The following TPD52L3 variants were observed in gnomAD, a reference collection of about 807,000 sequenced individuals.
TPD52L3 encodes tumor protein D55.
Under a neutral mutation model 8.7 loss-of-function variants are expected in TPD52L3, and 12 were observed. That is an observed-to-expected ratio of 1.38 (90% CI 0.89 to 2.24). The LOEUF is 2.24. Ranked by LOEUF, TPD52L3 falls within the 30% of genes most tolerant of loss-of-function variation. The pLI is 0.00. For missense variants in TPD52L3, 207 were observed against 158.7 expected (o/e 1.30, Z -1.64); for synonymous variants, 79 against 66.8 (o/e 1.18, Z -0.89).
In TPD52L3 at chr9:6,329,244, C is replaced by A. The variant is rs577689372; in HGVS notation, c.367+282C>A. On this transcript the variant is annotated intron_variant, in intron 1 of 1. Coordinates refer to ENST00000314556, the MANE Select transcript of TPD52L3 (RefSeq NM_001001874.3). The stretch of plus-strand genomic sequence containing the variant: ...TTATTACATTTGCAACTCTGCCCAA[C>A]AAAAACAAGCAAGCAAACCACAATG... 2.2e-6 allele frequency: 3 copies of A among 1,349,890 alleles called. No homozygotes were observed. The East Asian group carries it at 8.4e-5, about 38-fold the overall frequency. The allele number at this position is 1,349,890 out of a possible 1,614,324, so 83.6% of individuals were successfully genotyped here.
At chr9:6,329,017 G>A in intron 1 of TPD52L3, 55 bp downstream of exon 1, 1 of 1,613,320 alleles carries the variant, frequency 6.2e-7, no homozygotes, top group East Asian at 2.2e-5. Context: ...GCTTGGCCCT[G>A]ACTGTCTTTC....
In TPD52L3 at chr9:6,331,836, C is replaced by CT. The variant is rs1233443979; in HGVS notation, c.*823dup. 6.6e-6 allele frequency: 1 copy of CT among 152,088 alleles called. No homozygotes were observed. Among genetic ancestry groups the CT allele is most frequent in the Non-Finnish European group, 1.5e-5 (1 of 68,024 alleles). 9.4% of individuals were successfully genotyped at this position (152,088 alleles called of 1,614,324 possible). A position where few individuals can be genotyped will look rare whatever the true frequency, so the allele number is the denominator to read the frequency against. On this transcript the variant is annotated 3_prime_UTR_variant, in exon 2 of 2. Transcript: ENST00000314556. ...GAGTTGCACATTCATTTTGCTTTGG[C>CT]TTTTTTGTATCAGTGGTCATGGGCA...
At chr9:6,329,177 T>G in intron 1 of TPD52L3, 1 of 1,454,054 alleles carries the variant, frequency 6.9e-7, no homozygotes, top group Non-Finnish European at 9.1e-7. Context: ...GCCCCCTTGG[T>G]AACCTTGCCT....
At chr9:6,330,899 A>G (rs955480502) in intron 1 of TPD52L3, 77 bp from the exon 2 acceptor site, 19 of 1,581,282 alleles carry the variant, frequency 1.2e-5, no homozygotes, top group Admixed American at 1.9e-5. Context: ...AGTTTCCCCA[A>G]TAAATTCTCA....
chr9:6,331,185 T>A lies in TPD52L3; in HGVS notation c.*166T>A. The A allele has an allele frequency of 1.6e-6, 1 of 641,232 alleles. No homozygotes were observed. The highest frequency in any genetic ancestry group is 2.6e-6 in the Non-Finnish European group (1 of 378,780). The allele number at this position is 641,232 out of a possible 1,614,324, so 39.7% of individuals were successfully genotyped here. A position where few individuals can be genotyped will look rare whatever the true frequency, so the allele number is the denominator to read the frequency against. ...GTCCCAGGTTCTGAAAGCATAGAAT[T>A]AGACATCGTATGTGCCCTCTAGAAA... On this transcript the variant is annotated 3_prime_UTR_variant, in exon 2 of 2. Coordinates refer to ENST00000314556, the MANE Select transcript of TPD52L3 (RefSeq NM_001001874.3).
rs1483699316 is a variant in TPD52L3 at position 6,330,982 on chromosome 9, T to C, written c.374T>C (p.Ile125Thr). ...SATFRSFEGL[I>T]FNKYTLNQGR... ...TTTCCCATTTCTGGCTTAGGATTGA[T>C]CTTCAATAAATACACGTTAAATCAA... Residue 125 changes from isoleucine (I) to threonine (T), a missense_variant, in exon 2 of 2, where the codon ATC (isoleucine) becomes ACC (threonine). Ile to Thr is a moderately conservative substitution (Grantham distance 89, BLOSUM62 -1). Coordinates refer to ENST00000314556, the MANE Select transcript of TPD52L3 (RefSeq NM_001001874.3). 7.4e-6 allele frequency: 12 copies of C among 1,612,922 alleles called. No individual in the cohort carries two copies. The highest frequency in any genetic ancestry group is 3.3e-4 in the Middle Eastern group (2 of 6,052).
chr9:6,330,612 A>G, intron 1 of TPD52L3: 2 of 1,165,262 alleles, frequency 1.7e-6, no homozygotes, highest in Non-Finnish European at 2.1e-6. Context: ...CCAACCCTCC[A>G]CAGATTTCTG....
At position 6,328,973 on chromosome 9, in the gene TPD52L3, G is replaced by T. The variant is rs746334184; in HGVS notation, c.367+11G>T. 14 of 1,614,152 alleles carry T rather than the reference G, an allele frequency of 8.7e-6. No homozygotes were observed. In the South Asian group the frequency reaches 1.3e-4, roughly 15 times the overall value. ...TCAGATCTTTTGAAGGTCTGATGGG[G>T]ACAATCAAGTCCAAAGTCTCAGGGG... On this transcript the variant is annotated intron_variant, in intron 1 of 1. Coordinates refer to ENST00000314556, the MANE Select transcript of TPD52L3 (RefSeq NM_001001874.3).
At chr9:6,330,445 A>T in intron 1 of TPD52L3, 1 of 1,328,136 alleles carries the variant, frequency 7.5e-7, no homozygotes, top group Non-Finnish European at 9.7e-7. Context: ...GTAATCTCTC[A>T]CTGCCTAAAA....
At chr9:6,329,538 A>G in intron 1 of TPD52L3, 1 of 1,008,110 alleles carries the variant, frequency 9.9e-7, no homozygotes, top group Non-Finnish European at 1.2e-6. Flanking sequence ...TTTAAGCTTG[A>G]AAGAGGTATG....
At chr9:6,329,097 G>C in intron 1 of TPD52L3, 135 bp downstream of exon 1, 3 of 1,542,370 alleles carry the variant, frequency 1.9e-6, no homozygotes, top group East Asian at 2.3e-5. Flanking sequence ...AGATTCCGGG[G>C]AGTGGGAATG....
chr9:6,331,192 C>T lies in TPD52L3; in HGVS notation c.*173C>T, dbSNP rs1008142978. On this transcript the variant is annotated 3_prime_UTR_variant, in exon 2 of 2. Transcript: ENST00000314556. ...GTTCTGAAAGCATAGAATTAGACAT[C>T]GTATGTGCCCTCTAGAAACACTTAG... 15 of 584,418 alleles carry T rather than the reference C, an allele frequency of 2.6e-5. No homozygotes were observed. Among genetic ancestry groups the T allele is most frequent in the Middle Eastern group, 5.9e-4 (2 of 3,392 alleles). 36.2% of individuals were successfully genotyped at this position (584,418 alleles called of 1,614,324 possible).
rs908815735 is a variant in TPD52L3 at position 6,331,262 on chromosome 9, G to A, written c.*243G>A. Reference sequence around the variant, plus strand: ...TCAATGAGTCCTAAAATAGAGCTGTGTGCCAGAGATAAAAGAAGTCCTGAG... The same window carrying A: ...TCAATGAGTCCTAAAATAGAGCTGTATGCCAGAGATAAAAGAAGTCCTGAG... On this transcript the variant is annotated 3_prime_UTR_variant, in exon 2 of 2. Coordinates refer to ENST00000314556, the MANE Select transcript of TPD52L3 (RefSeq NM_001001874.3). 2.7e-6 allele frequency: 1 copy of A among 371,746 alleles called. No individual in the cohort carries two copies. Among genetic ancestry groups the A allele is most frequent in the East Asian group, 4.4e-5 (1 of 22,800 alleles). The allele number at this position is 371,746 out of a possible 1,614,324, so 23.0% of individuals were successfully genotyped here. A position where few individuals can be genotyped will look rare whatever the true frequency, so the allele number is the denominator to read the frequency against.
Position 6,328,766 on chromosome 9 carries a change from T to TG in TPD52L3, c.175dup (p.Glu59GlyfsTer24). 2 of 1,614,102 alleles carry TG rather than the reference T, an allele frequency of 1.2e-6. No homozygotes were observed. The highest frequency in any genetic ancestry group is 1.7e-6 in the Non-Finnish European group (2 of 1,180,028). On this transcript the variant is annotated frameshift_variant, in exon 1 of 2. Coordinates refer to ENST00000314556, the MANE Select transcript of TPD52L3 (RefSeq NM_001001874.3). LOFTEE classifies it high-confidence loss of function. ...TACTAGCAGCCAAAGAGAGACGCTG[T>TG]GGGGAACTCAAGAGGAAGTTAGGCC...
chr9:6,328,423 G>T lies in TPD52L3; in HGVS notation c.-173G>T. ...TGTCAAGGTGTCCATTGTACCAGCT[G>T]GGCCATGGATCCCTCCCGCCTGAAA... On this transcript the variant is annotated 5_prime_UTR_variant, in exon 1 of 2. Coordinates refer to ENST00000314556, the MANE Select transcript of TPD52L3 (RefSeq NM_001001874.3). 1.4e-6 allele frequency: 1 copy of T among 721,578 alleles called. No individual in the cohort carries two copies. Among genetic ancestry groups the T allele is most frequent in the South Asian group, 1.8e-5 (1 of 54,932 alleles). 44.7% of individuals were successfully genotyped at this position (721,578 alleles called of 1,614,324 possible). A position where few individuals can be genotyped will look rare whatever the true frequency, so the allele number is the denominator to read the frequency against.
Position 6,328,634 on chromosome 9 carries a change from T to C in TPD52L3, c.39T>C (p.Tyr13=). ...HARTETSVGT[Y]ESHSTSELED... ...GGACAGAGACCTCTGTGGGCACATA[T>C]GAATCCCACTCGACTTCTGAACTGG... Residue 13 remains tyrosine (Y), a synonymous_variant, in exon 1 of 2, where the codon TAT becomes TAC. Transcript: ENST00000314556. 1 of 1,614,040 alleles carries C rather than the reference T, an allele frequency of 6.2e-7. No individual in the cohort carries two copies. The highest frequency in any genetic ancestry group is 8.5e-7 in the Non-Finnish European group (1 of 1,180,018).
chr9:6,330,874 T>G, intron 1 of TPD52L3, 102 bp from the exon 2 acceptor site: 2 of 1,535,722 alleles, frequency 1.3e-6, no homozygotes, highest in Non-Finnish European at 1.7e-6. Flanking sequence ...TTTAATAATT[T>G]CTACAACAGT....
At chr9:6,328,998 G>A (rs760655637) in intron 1 of TPD52L3, 36 bp downstream of exon 1, 4 of 1,613,968 alleles carry the variant, frequency 2.5e-6, no homozygotes, top group Non-Finnish European at 3.4e-6. Context: ...AGTCTCAGGG[G>A]GCAAAAGAGC....
Position 6,328,673 on chromosome 9 carries a change from G to T in TPD52L3, c.78G>T (p.Glu26Asp). 1.9e-6 allele frequency: 3 copies of T among 1,614,150 alleles called. No homozygotes were observed. Among genetic ancestry groups the T allele is most frequent in the Non-Finnish European group, 2.5e-6 (3 of 1,180,048 alleles). The change falls in exon 1 of 2, where the codon GAG becomes GAT. Residue 26 changes from glutamate to aspartate, a missense_variant. Glu to Asp is a conservative substitution (Grantham distance 45). Transcript: ENST00000314556. ...CTTCTGAACTGGAGGATCTGACAGAGCCCGAGCAAAGAGAGCTCAAAACCA... is the reference window on the plus strand; with the variant it reads ...CTTCTGAACTGGAGGATCTGACAGATCCCGAGCAAAGAGAGCTCAAAACCA... ...HSTSELEDLTEPEQRELKTKL... is the reference protein window; with the variant it reads ...HSTSELEDLTDPEQRELKTKL...
Sources: gnomAD v4.1 joint callset for allele counts on GRCh38, gnomAD v4.1.1 for gene constraint, MANE v1.5 for transcripts, NCBI Gene and HGNC (gene_info 2026-07-23, HGNC 2026-07-21) for gene names.